The following RAP1GAP variants were observed in gnomAD, a reference collection of about 807,000 sequenced individuals.
RAP1GAP encodes RAP1 GTPase activating protein, also known as rap1 GTPase-activating protein 1.
A neutral mutation model predicts 87.2 loss-of-function variants in RAP1GAP; 35 were observed. The ratio of observed to expected loss-of-function variants is 0.40; its 90% CI spans 0.31 to 0.53. The LOEUF is 0.53. RAP1GAP is among the 20% of genes least tolerant of loss of function. The pLI is 0.48. For synonymous variants in RAP1GAP, 375 were observed against 363.9 expected (o/e 1.03, Z -0.35); for missense variants, 734 against 898.9 (o/e 0.82, Z 2.35).
At chr1:21,610,492 C>T (rs1164424893) in intron 13 of RAP1GAP, among the ~76,000 whole-genome samples, 1 of 152,200 alleles carries the variant, frequency 6.6e-6, no homozygotes, top group Non-Finnish European at 1.5e-5. Context: ...GATGAGGGTA[C>T]ACTAATATCC....
At chr1:21,601,848 A>AG (rs776047720) in intron 19 of RAP1GAP, 51 bp from the exon 20 acceptor site, 7 of 1,366,348 alleles carry the variant, frequency 5.1e-6, no homozygotes, top group Non-Finnish European at 7.1e-6. Context: ...GCCTGGCATC[A>AG]GGCGTAGCGT....
chr1:21,623,909 G>A (rs1461822299), intron 3 of RAP1GAP, among the ~76,000 whole-genome samples: 1 of 152,238 alleles, frequency 6.6e-6, no homozygotes, highest in South Asian at 2.1e-4. Context: ...TATGCGTGCA[G>A]CCATGTGTGC....
intron 1 of RAP1GAP, among the ~76,000 whole-genome samples, chr1:21,650,714 GC>G (rs2096498117): frequency 1.3e-5 from 2 of 152,232 alleles, no homozygotes; most frequent in Non-Finnish European, 2.9e-5. Flanking sequence ...ACAGGACCCA[GC>G]CTGTGAGCTG....
chr1:21,626,498 G>A, intron 2 of RAP1GAP, 101 bp from the exon 3 acceptor site: 1 of 953,558 alleles, frequency 1.0e-6, no homozygotes, highest in Non-Finnish European at 1.7e-6. Flanking sequence ...AGGGAGGATA[G>A]ACTTCACGGA....
intron 7 of RAP1GAP, among the ~76,000 whole-genome samples, chr1:21,614,695 G>C (rs1439652208): frequency 2.0e-5 from 3 of 152,172 alleles, no homozygotes; most frequent in Non-Finnish European, 2.9e-5. Flanking sequence ...AGTATCAGGG[G>C]TGGCTGCGGC....
intron 2 of RAP1GAP, among the ~76,000 whole-genome samples, chr1:21,644,299 C>A (rs1287950002): frequency 6.6e-6 from 1 of 152,120 alleles, no homozygotes; most frequent in East Asian, 1.9e-4. Flanking sequence ...TCAAACACCC[C>A]CTCTTCAGAA....
rs747542677 is a variant in RAP1GAP at position 21,601,666 on chromosome 1, C to T, written c.1652+18G>A. On this transcript the variant is annotated intron_variant, in intron 20 of 24. Coordinates refer to ENST00000374765, the MANE Select transcript of RAP1GAP (RefSeq NM_002885.4). ...ACCACTCCCAAGCCCCCAAGCCCCA[C>T]GTGCCCTGAGCCCCAACCTGTTCTT... The T allele has an allele frequency of 1.0e-5, 16 of 1,573,842 alleles. No individual in the cohort carries two copies. The highest frequency in any genetic ancestry group is 4.5e-5 in the East Asian group (2 of 44,308).
At chr1:21,639,787 A>T (rs919465082) in intron 2 of RAP1GAP, among the ~76,000 whole-genome samples, 1 of 152,104 alleles carries the variant, frequency 6.6e-6, no homozygotes, top group Admixed American at 6.5e-5. Flanking sequence ...AGCGTCTGAC[A>T]CTTTTCCTGG....
intron 17 of RAP1GAP, among the ~76,000 whole-genome samples, chr1:21,606,539 T>C (rs1184409644): frequency 6.6e-6 from 1 of 152,174 alleles, no homozygotes; most frequent in Non-Finnish European, 1.5e-5. Flanking sequence ...CTCATGTGGC[T>C]GCGTAAGGAC....
intron 1 of RAP1GAP, among the ~76,000 whole-genome samples, chr1:21,661,964 C>G (rs1251346570): frequency 6.6e-6 from 1 of 152,244 alleles, no homozygotes; most frequent in African/African-American, 2.4e-5. Context: ...ACCAGTCTGT[C>G]TCTTCCAGAC....
At chr1:21,629,930 C>G (rs988206946) in intron 2 of RAP1GAP, among the ~76,000 whole-genome samples, 1 of 152,160 alleles carries the variant, frequency 6.6e-6, no homozygotes, top group Non-Finnish European at 1.5e-5. Flanking sequence ...GTGGACCTCC[C>G]CACAGAGCCT....
intron 16 of RAP1GAP, 90 bp from the exon 17 acceptor site, chr1:21,608,440 G>A: frequency 1.3e-6 from 2 of 1,510,230 alleles, no homozygotes; most frequent in South Asian, 2.5e-5. Flanking sequence ...TGAGGCACGG[G>A]CCACCTTCTC....
chr1:21,597,910 C>G (rs1413707258), intron 23 of RAP1GAP, 51 bp downstream of exon 23: 3 of 1,527,030 alleles, frequency 2.0e-6, no homozygotes, highest in Middle Eastern at 2.3e-4. Flanking sequence ...GCCAGCTCAT[C>G]CCCTCCCGGG....
At chr1:21,598,262 T>C in intron 22 of RAP1GAP, 138 bp downstream of exon 22, 1 of 865,652 alleles carries the variant, frequency 1.2e-6, no homozygotes, top group East Asian at 2.6e-5. Context: ...GGCTGGACAA[T>C]GACCTGCCCG....
chr1:21,609,921 A>G lies in RAP1GAP; in HGVS notation c.999+199T>C, dbSNP rs909970271. Among the ~76,000 whole-genome samples, 1 of 152,206 alleles carries G rather than the reference A, an allele frequency of 6.6e-6. No individual in the cohort carries two copies. The highest frequency in any genetic ancestry group is 1.5e-5 in the Non-Finnish European group (1 of 68,026). On this transcript the variant is annotated intron_variant, in intron 14 of 24. Transcript: ENST00000374765. The surrounding 1 kb of genome is among the most constrained non-coding windows in gnomAD (Gnocchi z 4.4). ...GGACAGTGATACCAGGCCAGGAGGC[A>G]GAGGAGGGAAACTGTCCTCTCTGAG...
intron 2 of RAP1GAP, among the ~76,000 whole-genome samples, chr1:21,640,630 CT>C (rs1414505856): frequency 1.4e-4 from 22 of 152,208 alleles, no homozygotes; most frequent in African/African-American, 2.7e-4. Context: ...GGGCCAGTGC[CT>C]AGGCTGGCTG....
chr1:21,610,017 C>T, intron 14 of RAP1GAP, 103 bp downstream of exon 14: 1 of 1,377,656 alleles, frequency 7.3e-7, no homozygotes, highest in Non-Finnish European at 9.8e-7. Flanking sequence ...ATGGTCCCCC[C>T]ATTATAGCTG....
chr1:21,621,730 T>A (rs183115347), intron 3 of RAP1GAP, among the ~76,000 whole-genome samples: 18 of 152,360 alleles, frequency 1.2e-4, no homozygotes, highest in Admixed American at 6.5e-4. Context: ...CAGCTGGGCA[T>A]GACCCCAAAG....
chr1:21,657,617 C>T (rs1571454951), intron 1 of RAP1GAP, among the ~76,000 whole-genome samples: 1 of 152,208 alleles, frequency 6.6e-6, no homozygotes, highest in African/African-American at 2.4e-5. Context: ...CATCTCCTAC[C>T]TCCACTGCTA....
Sources: allele counts gnomAD v4.1 joint callset (sites outside exome capture counted in the v4.1 genomes callset), GRCh38; gene constraint gnomAD v4.1.1; non-coding constraint Gnocchi (gnomAD v3.1); transcripts MANE v1.5; gene names NCBI Gene and HGNC (gene_info 2026-07-23, HGNC 2026-07-21).